The following SIMC1 variants were observed in gnomAD, a reference collection of about 807,000 sequenced individuals.
The protein encoded by SIMC1 is SUMO-interacting motif-containing protein 1.
A neutral mutation model predicts 82.3 loss-of-function variants in SIMC1; 55 were observed. The observed-to-expected ratio is 0.67, with a 90% CI of 0.54 to 0.84. The LOEUF is 0.84. Among genes scored for constraint, SIMC1 ranks in the 40% least tolerant of loss-of-function variants. The pLI, the probability that SIMC1 is intolerant of heterozygous loss-of-function variation, is 0.00. For missense variants in SIMC1, 915 were observed against 1,107.2 expected (o/e 0.83, Z 2.46); for synonymous variants, 353 against 426.3 (o/e 0.83, Z 2.12).
chr5:176,301,575 C>T (rs1209446871), intron 4 of SIMC1, among the ~76,000 whole-genome samples: 2 of 152,094 alleles, frequency 1.3e-5, no homozygotes, highest in Non-Finnish European at 2.9e-5. Flanking sequence ...GCCAGGAGTT[C>T]AAGACCAGCA....
intron 1 of SIMC1, among the ~76,000 whole-genome samples, chr5:176,276,155 C>G (rs1037073658): frequency 2.0e-5 from 3 of 151,596 alleles, no homozygotes; most frequent in African/African-American, 7.3e-5. Flanking sequence ...TCAGCTCCTG[C>G]TATTGGTCTG....
chr5:176,293,617 A>G (rs963225220), intron 2 of SIMC1, among the ~76,000 whole-genome samples: 8 of 151,906 alleles, frequency 5.3e-5, no homozygotes, highest in Admixed American at 4.6e-4. Context: ...GCATGGTGGC[A>G]CACACCTGTA....
At chr5:176,278,876 A>C (rs900801789) in intron 1 of SIMC1, among the ~76,000 whole-genome samples, 7 of 150,990 alleles carry the variant, frequency 4.6e-5, no homozygotes, top group African/African-American at 1.5e-4. Context: ...GGATTTTTGC[A>C]TCAATGTTCA....
intron 2 of SIMC1, among the ~76,000 whole-genome samples, chr5:176,294,697 T>C (rs1763727752): frequency 6.6e-6 from 1 of 151,640 alleles, no homozygotes; most frequent in East Asian, 1.9e-4. Flanking sequence ...GCGCCGTGGC[T>C]CACACCTGTA....
At chr5:176,274,353 TTTG>T (rs1237418012) in intron 1 of SIMC1, among the ~76,000 whole-genome samples, 14 of 150,960 alleles carry the variant, frequency 9.3e-5, no homozygotes, top group Admixed American at 2.6e-4. Flanking sequence ...GATGGGGTTG[TTTG>T]TTTTTTTCTT....
chr5:176,290,537 T>C lies in SIMC1; in HGVS notation c.1013T>C (p.Leu338Ser), dbSNP rs572467096. The C allele has an allele frequency of 1.9e-6, 3 of 1,613,910 alleles. No individual in the cohort carries two copies. The highest frequency in any genetic ancestry group is 4.5e-5 in the East Asian group (2 of 44,876). ...CAGTCACCAGGGGGCATGCCACACT[T>C]ACCGGGAGATGTGTTACATTCACCT... ...APQSPGGMPH[L>S]PGDVLHSPGD... Residue 338 changes from leucine (L) to serine (S), a missense_variant, in exon 2 of 10, where the codon TTA (leucine) becomes TCA (serine). This residue lies in a region of SIMC1 where 902 missense variants were observed against 1,040.3 expected (regional missense o/e 0.87). Transcript: ENST00000429602.
intron 2 of SIMC1, 92 bp downstream of exon 2, chr5:176,291,047 G>A: frequency 1.4e-6 from 1 of 733,514 alleles, no homozygotes; most frequent in Non-Finnish European, 2.2e-6. Context: ...GAGAGGACAG[G>A]TCAAGCATAA....
At chr5:176,337,511 T>G (rs1002481434) in intron 9 of SIMC1, among the ~76,000 whole-genome samples, 1 of 152,152 alleles carries the variant, frequency 6.6e-6, no homozygotes, top group Admixed American at 6.5e-5. Flanking sequence ...GGAGAATCAT[T>G]TGAACCCAGG....
At chr5:176,272,384 CAAAA>C (rs70991523) in intron 1 of SIMC1, among the ~76,000 whole-genome samples, 1 of 143,280 alleles carries the variant, frequency 7.0e-6, no homozygotes, top group Non-Finnish European at 1.5e-5. Context: ...TGCAATAAGG[CAAAA>C]AAAAAAACAT....
At chr5:176,338,605 G>A (rs979469548) in intron 9 of SIMC1, among the ~76,000 whole-genome samples, 3 of 152,166 alleles carry the variant, frequency 2.0e-5, no homozygotes, top group African/African-American at 7.2e-5. Flanking sequence ...CCATACTGAA[G>A]TATTGAGGGG....
At chr5:176,259,859 T>C (rs1307350549) in intron 1 of SIMC1, among the ~76,000 whole-genome samples, 2 of 151,894 alleles carry the variant, frequency 1.3e-5, no homozygotes, top group African/African-American at 2.4e-5. Context: ...TCTAGATAAC[T>C]ACAGTTTTTG....
chr5:176,314,455 T>C (rs2113348047), intron 5 of SIMC1, among the ~76,000 whole-genome samples: 1 of 152,330 alleles, frequency 6.6e-6, no homozygotes, highest in South Asian at 2.1e-4. Context: ...GGGGAAAGCC[T>C]TATATAAAAC....
In SIMC1 at chr5:176,322,270, CA is replaced by C; in HGVS notation, c.1890-2del. On this transcript the variant is annotated splice_acceptor_variant, in intron 5 of 9. Coordinates refer to ENST00000429602, the MANE Select transcript of SIMC1 (RefSeq NM_001308195.2). LOFTEE classifies it high-confidence loss of function. Reference sequence around the variant, plus strand: ...AACCTTTTCTTTCTTTTTTCCATTACAGGGATGTTATCAAGTGGCTGGTCAA... The same window carrying C: ...AACCTTTTCTTTCTTTTTTCCATTACGGGATGTTATCAAGTGGCTGGTCAA... 4 of 1,553,158 alleles carry C rather than the reference CA, an allele frequency of 2.6e-6. No individual in the cohort carries two copies. The highest frequency in any genetic ancestry group is 3.5e-6 in the Non-Finnish European group (4 of 1,147,920).
At chr5:176,278,456 A>G (rs374864920) in intron 1 of SIMC1, among the ~76,000 whole-genome samples, 4 of 32,586 alleles carry the variant, frequency 1.2e-4, no homozygotes, top group Middle Eastern at 9.3e-3. Context: ...TCTCCTGCCT[A>G]ATTGCCCTGG....
In SIMC1 at chr5:176,322,397, C is replaced by A. The variant is rs1765206495; in HGVS notation, c.2014C>A (p.Pro672Thr). The A allele has an allele frequency of 6.2e-7, 1 of 1,609,492 alleles. No individual in the cohort carries two copies. Among genetic ancestry groups the A allele is most frequent in the Admixed American group, 1.7e-5 (1 of 59,360 alleles). Residue 672 changes from proline to threonine, a missense_variant, in exon 6 of 10, where the codon CCC becomes ACC. Pro to Thr is a conservative substitution (Grantham distance 38). This residue lies in a region of SIMC1 where 902 missense variants were observed against 1,040.3 expected (regional missense o/e 0.87). Coordinates refer to ENST00000429602, the MANE Select transcript of SIMC1 (RefSeq NM_001308195.2). ...CAGCAGTAGCCACCCTTCTTCCCAG[C>A]CCAACCTGACAAAGAACACCAATCA... ...KASSSHPSSQ[P>T]NLTKNTNQLI...
intron 1 of SIMC1, among the ~76,000 whole-genome samples, chr5:176,258,688 C>G (rs1308089169): frequency 5.4e-5 from 8 of 148,398 alleles, no homozygotes; most frequent in Non-Finnish European, 1.2e-4. Context: ...ATAATATTCA[C>G]TACAGCTGTA....
intron 2 of SIMC1, 49 bp downstream of exon 2, chr5:176,291,004 A>C (rs1315986629): frequency 1.5e-6 from 2 of 1,340,554 alleles, no homozygotes; most frequent in Non-Finnish European, 2.0e-6. Flanking sequence ...CCCTAGGCCT[A>C]GGAGAAGGTC....
intron 7 of SIMC1, among the ~76,000 whole-genome samples, chr5:176,329,422 GAT>G (rs1765534661): frequency 6.7e-6 from 1 of 149,840 alleles, no homozygotes; most frequent in Admixed American, 6.7e-5. Context: ...AGTGAGCAGA[GAT>G]AGAGATAGTG....
intron 5 of SIMC1, among the ~76,000 whole-genome samples, chr5:176,317,614 A>T (rs1764975434): frequency 6.6e-6 from 1 of 152,118 alleles, no homozygotes; most frequent in African/African-American, 2.4e-5. Context: ...TCATTAATAT[A>T]TTATAATTTT....
Sources: allele counts gnomAD v4.1 joint callset (sites outside exome capture counted in the v4.1 genomes callset), GRCh38; gene constraint gnomAD v4.1.1; regional missense constraint gnomAD v4.1.1; transcripts MANE v1.5; gene names NCBI Gene and HGNC (gene_info 2026-07-23, HGNC 2026-07-21).